Variants in CACNA2D1 observed in about 807,000 individuals in gnomAD.
The protein encoded by CACNA2D1 is voltage-dependent calcium channel subunit alpha-2/delta-1.
In CACNA2D1, 53 loss-of-function variants were observed where a neutral mutation model predicts 171.5. The observed-to-expected ratio is 0.31, with a 90% CI of 0.25 to 0.39. The LOEUF (loss-of-function observed/expected upper bound fraction) is 0.39. Among genes scored for constraint, CACNA2D1 ranks in the 10% least tolerant of loss-of-function variants. CACNA2D1 has a pLI of 1.00. For missense variants in CACNA2D1, 903 were observed against 1,299.8 expected, an observed-to-expected ratio of 0.69 and a Z score of 4.69; for synonymous variants, 442 against 443.1, an observed-to-expected ratio of 1.00 and a Z score of 0.03.
At chr7:82,145,965 C>T (rs1481332609) in intron 4 of CACNA2D1, among the ~76,000 whole-genome samples, 1 of 151,948 alleles carries the variant, frequency 6.6e-6, no homozygotes, top group African/African-American at 2.4e-5. Flanking sequence ...TATCACTTTA[C>T]ATTTCTTCAT....
intron 1 of CACNA2D1, among the ~76,000 whole-genome samples, chr7:82,440,161 C>T (rs1830386187): frequency 6.6e-6 from 1 of 151,926 alleles, no homozygotes; most frequent in South Asian, 2.1e-4. Flanking sequence ...CCATTGTACA[C>T]TTTATATTAA....
intron 2 of CACNA2D1, among the ~76,000 whole-genome samples, chr7:82,335,750 A>T (rs1223020330): frequency 6.6e-6 from 1 of 152,212 alleles, no homozygotes; most frequent in Non-Finnish European, 1.5e-5. Flanking sequence ...AGCTTAGGAG[A>T]CAGTTCACAT....
intron 3 of CACNA2D1, among the ~76,000 whole-genome samples, chr7:82,297,072 CAAAAAAAAAAAAAAAAAAAA>C (rs57473351): frequency 4.2e-5 from 3 of 72,258 alleles, no homozygotes; most frequent in African/African-American, 7.1e-5. Context: ...CTGTGTCTAC[CAAAAAAAAAAAAAAAAAAAA>C]AAAAATTAGC....
intron 1 of CACNA2D1, among the ~76,000 whole-genome samples, chr7:82,428,632 T>G (rs568019835): frequency 2.6e-4 from 39 of 152,248 alleles, no homozygotes; most frequent in African/African-American, 8.9e-4. Flanking sequence ...AACTAACACT[T>G]TTCACCCTTT....
chr7:82,143,856 C>T (rs62465801), intron 4 of CACNA2D1, among the ~76,000 whole-genome samples: 2 of 152,132 alleles, frequency 1.3e-5, no homozygotes. Context: ...ACCAGTAAAT[C>T]AGGAGTTTCT....
At chr7:82,308,045 G>T (rs926545630) in intron 3 of CACNA2D1, among the ~76,000 whole-genome samples, 1 of 152,120 alleles carries the variant, frequency 6.6e-6, no homozygotes, top group Non-Finnish European at 1.5e-5. Flanking sequence ...CATCCTAATT[G>T]TATGTTCAGT....
intron 1 of CACNA2D1, among the ~76,000 whole-genome samples, chr7:82,392,155 A>G (rs1413115449): frequency 6.6e-6 from 1 of 152,234 alleles, no homozygotes; most frequent in Non-Finnish European, 1.5e-5. Context: ...CTTAGTTTAC[A>G]TAAACCTACC....
At chr7:82,355,943 A>G (rs1585629529) in intron 1 of CACNA2D1, among the ~76,000 whole-genome samples, 1 of 151,976 alleles carries the variant, frequency 6.6e-6, no homozygotes, top group African/African-American at 2.4e-5. Context: ...ATTGAACTCA[A>G]TATCTTCCCC....
chr7:82,153,599 AT>A (rs1333246143), intron 4 of CACNA2D1, among the ~76,000 whole-genome samples: 2 of 152,128 alleles, frequency 1.3e-5, no homozygotes, highest in Non-Finnish European at 2.9e-5. Flanking sequence ...TATAATATAA[AT>A]TTATTTGTGA....
chr7:82,058,944 G>A (rs1456848993), intron 10 of CACNA2D1, among the ~76,000 whole-genome samples: 4 of 152,036 alleles, frequency 2.6e-5, no homozygotes, highest in Non-Finnish European at 4.4e-5. Context: ...CTTAGGCCGC[G>A]ATACACCACT....
chr7:82,252,927 T>C (rs1455467723), intron 3 of CACNA2D1, among the ~76,000 whole-genome samples: 1 of 150,760 alleles, frequency 6.6e-6, no homozygotes, highest in Non-Finnish European at 1.5e-5. Flanking sequence ...ACACAAATTG[T>C]GGTAGCTGGC....
chr7:82,369,454 T>C (rs1182927377), intron 1 of CACNA2D1, among the ~76,000 whole-genome samples: 1 of 151,864 alleles, frequency 6.6e-6, no homozygotes, highest in Non-Finnish European at 1.5e-5. Context: ...AGTTCTTTTT[T>C]CAGAGTAAAT....
At chr7:82,071,999 G>C (rs1808369921) in intron 7 of CACNA2D1, among the ~76,000 whole-genome samples, 1 of 152,100 alleles carries the variant, frequency 6.6e-6, no homozygotes, top group Admixed American at 6.6e-5. Context: ...ACAACATCAT[G>C]GACCAGGGTT....
intron 30 of CACNA2D1, 140 bp downstream of exon 30, chr7:81,967,456 G>GA: frequency 1.5e-6 from 1 of 645,790 alleles, no homozygotes; most frequent in South Asian, 2.0e-5. Context: ...AAAAAGCTTT[G>GA]AAAAAATAGG....
chr7:82,217,394 C>CATATATATATATATATATATATATAT lies in CACNA2D1; in HGVS notation c.295-46811_295-46786dup, dbSNP rs6150191. Reference sequence around the variant, plus strand: ...ACACACATATACACACACACACATACATATATATATATATATATATATATA... The same window carrying CATATATATATATATATATATATATAT: ...ACACACATATACACACACACACATACATATATATATATATATATATATATATATATATATATATATATATATATATA... On this transcript the variant is annotated intron_variant, in intron 3 of 38. Coordinates refer to ENST00000356860, the MANE Select transcript of CACNA2D1 (RefSeq NM_000722.4). 2.8e-3 allele frequency among the ~76,000 whole-genome samples: 284 copies of CATATATATATATATATATATATATAT among 102,404 alleles called. 12 individuals carry two copies. The highest frequency in any genetic ancestry group is 4.9e-3 in the African/African-American group (89 of 18,126). 67.2% of individuals were successfully genotyped at this position (102,404 alleles called of 152,430 possible). A position where few individuals can be genotyped will look rare whatever the true frequency, so the allele number is the denominator to read the frequency against.
At chr7:82,359,303 TTTAA>T (rs1820817797) in intron 1 of CACNA2D1, among the ~76,000 whole-genome samples, 1 of 152,218 alleles carries the variant, frequency 6.6e-6, no homozygotes, top group African/African-American at 2.4e-5. Flanking sequence ...CGAGCATGTA[TTTAA>T]TTATTATTTA....
At chr7:82,260,609 TC>T (rs1283951777) in intron 3 of CACNA2D1, among the ~76,000 whole-genome samples, 4 of 152,180 alleles carry the variant, frequency 2.6e-5, no homozygotes, top group South Asian at 4.1e-4. Flanking sequence ...ACATATGGCG[TC>T]CCATCCTTTA....
chr7:82,416,047 T>G (rs142245173), intron 1 of CACNA2D1, among the ~76,000 whole-genome samples: 282 of 151,988 alleles, frequency 1.9e-3, no homozygotes, highest in African/African-American at 6.6e-3. Flanking sequence ...AAACCTCATC[T>G]CTACTAAAAA....
intron 3 of CACNA2D1, among the ~76,000 whole-genome samples, chr7:82,294,385 G>A (rs1812016099): frequency 6.6e-6 from 1 of 152,018 alleles, no homozygotes; most frequent in South Asian, 2.1e-4. Context: ...GTCTTCTCTT[G>A]AATCTAGGAA....
Sources: gnomAD v4.1 joint callset for allele counts (sites outside exome capture counted in the v4.1 genomes callset) on GRCh38, gnomAD v4.1.1 for gene constraint, MANE v1.5 for transcripts, NCBI Gene and HGNC (gene_info 2026-07-23, HGNC 2026-07-21) for gene names.